The following GOLGA3 variants were observed in gnomAD, a reference collection of about 807,000 sequenced individuals.
GOLGA3 encodes golgin subfamily A member 3.
A neutral mutation model predicts 169.4 loss-of-function variants in GOLGA3; 75 were observed. The ratio of observed to expected loss-of-function variants is 0.44; its 90% CI spans 0.37 to 0.54. The LOEUF is 0.54. Among genes scored for constraint, GOLGA3 ranks in the 20% least tolerant of loss-of-function variants. GOLGA3 has a pLI of 0.00. For synonymous variants in GOLGA3, 824 were observed against 822.4 expected (o/e 1.00, Z -0.03); for missense variants, 1,899 against 1,930.0 (o/e 0.98, Z 0.30).
At chr12:132,821,219 C>G (rs1432679921) in intron 2 of GOLGA3, among the ~76,000 whole-genome samples, 1 of 150,524 alleles carries the variant, frequency 6.6e-6, no homozygotes, top group Middle Eastern at 3.3e-3. Flanking sequence ...CCAGCCTGAC[C>G]AACATGGAGA....
chr12:132,769,901 G>A lies in GOLGA3; in HGVS notation c.*3204C>T, dbSNP rs1013138602. The A allele has an allele frequency of 6.6e-6, 1 of 152,078 alleles. No individual in the cohort carries two copies. Among genetic ancestry groups the A allele is most frequent in the Admixed American group, 6.6e-5 (1 of 15,240 alleles). 9.4% of individuals were successfully genotyped at this position (152,078 alleles called of 1,614,324 possible). On this transcript the variant is annotated 3_prime_UTR_variant, in exon 24 of 24. Transcript: ENST00000450791. ...GGTAGAAGTGCCGGGAGAGTCCCTT[G>A]GAGATAAAAAAACCTCAACAATAAA...
chr12:132,787,331 T>C (rs1299737295), intron 13 of GOLGA3, among the ~76,000 whole-genome samples: 2 of 151,838 alleles, frequency 1.3e-5, no homozygotes, highest in Non-Finnish European at 2.9e-5. Flanking sequence ...ACATGACTGG[T>C]TCATAGGAAA....
At chr12:132,795,213 C>T (rs1326934453) in intron 11 of GOLGA3, among the ~76,000 whole-genome samples, 5 of 151,226 alleles carry the variant, frequency 3.3e-5, no homozygotes, top group East Asian at 1.9e-4. Flanking sequence ...AAAAAGGGGT[C>T]GGGCGCGGTG....
At chr12:132,785,639 G>A (rs188045456) in intron 15 of GOLGA3, among the ~76,000 whole-genome samples, 35 of 152,288 alleles carry the variant, frequency 2.3e-4, no homozygotes, top group South Asian at 4.1e-4. Context: ...AAAACCCCAC[G>A]TTATGATACA....
At chr12:132,786,892 G>A (rs1435700506) in intron 13 of GOLGA3, 105 bp from the exon 14 acceptor site, 6 of 773,242 alleles carry the variant, frequency 7.8e-6, no homozygotes, top group East Asian at 2.5e-5. Flanking sequence ...GCTCAGGCTC[G>A]CCCTGGAGGA....
Position 132,807,967 on chromosome 12 carries a change from C to T in GOLGA3, c.1102G>A (p.Ala368Thr), listed in dbSNP as rs139987438. ...FPSIKDVLQAAAAEHQDQGQE... is the reference protein window; with the variant it reads ...FPSIKDVLQATAAEHQDQGQE... ...CCCTGGTCTTGGTGCTCAGCGGCTG[C>T]GGCCTGGAGGACGTCCTTAATGGAG... Residue 368 changes from alanine (A) to threonine (T), a missense_variant, in exon 5 of 24, where the codon GCA (alanine) becomes ACA (threonine). Transcript: ENST00000450791. 152 of 1,613,158 alleles carry T rather than the reference C, an allele frequency of 9.4e-5. No homozygotes were observed. Among genetic ancestry groups the T allele is most frequent in the Non-Finnish European group, 1.2e-4 (137 of 1,179,800 alleles).
rs575082257 is a variant in GOLGA3, at chr12:132,791,036, G to A, written c.2547+180C>T. On this transcript the variant is annotated intron_variant, in intron 12 of 23. Transcript: ENST00000450791. ...ACTGCACTCCAGCCTGGCTGACAGAGAGAGACTCCGTCTCAAAAAAAAAAA... is the reference window on the plus strand; with the variant it reads ...ACTGCACTCCAGCCTGGCTGACAGAAAGAGACTCCGTCTCAAAAAAAAAAA... Among the ~76,000 whole-genome samples the A allele has an allele frequency of 1.2e-3, 114 of 97,228 alleles. 1 individual carries two copies. In the Middle Eastern group the frequency reaches 0.051, roughly 44 times the overall value. 63.8% of individuals were successfully genotyped at this position (97,228 alleles called of 152,430 possible).
intron 4 of GOLGA3, chr12:132,811,823 T>C: frequency 2.1e-6 from 2 of 965,544 alleles, no homozygotes; most frequent in African/African-American, 3.5e-5. Context: ...GTCATTTTAT[T>C]GATCTTCTTC....
At position 132,795,935 on chromosome 12, in the gene GOLGA3, C is replaced by T. The variant is rs1284314008; in HGVS notation, c.2386G>A (p.Ala796Thr). The change falls in exon 11 of 24, where the codon GCA becomes ACA. Residue 796 changes from alanine to threonine, a missense_variant. Coordinates refer to ENST00000450791, the MANE Select transcript of GOLGA3 (RefSeq NM_001389683.1). Reference sequence around the variant, plus strand: ...TCGGTACCTTCTTCCAAGCGTCTTGCTCCTCTGTCAAGCTCCTCCTTGCCA... The same window carrying T: ...TCGGTACCTTCTTCCAAGCGTCTTGTTCCTCTGTCAAGCTCCTCCTTGCCA... ...KSGKEELDRGARRLEEGTEET... is the reference protein window; with the variant it reads ...KSGKEELDRGTRRLEEGTEET... 6.2e-7 allele frequency: 1 copy of T among 1,614,142 alleles called. No homozygotes were observed. Among genetic ancestry groups the T allele is most frequent in the Admixed American group, 1.7e-5 (1 of 60,030 alleles).
intron 13 of GOLGA3, 111 bp downstream of exon 13, chr12:132,788,900 CACAGGCCCCGACCCAG>C (rs1428687050): frequency 9.3e-6 from 5 of 536,392 alleles, no homozygotes; most frequent in African/African-American, 5.9e-5. Context: ...CCACCCCAGA[CACAGGCCCCGACCCAG>C]ACAGACCCCG....
At position 132,771,398 on chromosome 12, in the gene GOLGA3, C is replaced by G. The variant is rs571441229; in HGVS notation, c.*1707G>C. On this transcript the variant is annotated 3_prime_UTR_variant, in exon 24 of 24. Transcript: ENST00000450791. The stretch of plus-strand genomic sequence containing the variant: ...CGCGGACCCATTCTCTCTCTCCTAA[C>G]TCATATAATAAATATTATTTTAGAT... The G allele has an allele frequency of 9.2e-5, 14 of 152,226 alleles. No homozygotes were observed. Among genetic ancestry groups the G allele is most frequent in the African/African-American group, 3.4e-4 (14 of 41,450 alleles). 9.4% of individuals were successfully genotyped at this position (152,226 alleles called of 1,614,324 possible). A position where few individuals can be genotyped will look rare whatever the true frequency, so the allele number is the denominator to read the frequency against.
chr12:132,781,313 G>C (rs952938117), intron 17 of GOLGA3, among the ~76,000 whole-genome samples: 2 of 152,146 alleles, frequency 1.3e-5, no homozygotes, highest in Non-Finnish European at 2.9e-5. Context: ...TGTAATCCCA[G>C]CACTTTGGGA....
At position 132,777,114 on chromosome 12, in the gene GOLGA3, A is replaced by T. The variant is rs1341749672; in HGVS notation, c.3723-24T>A. On this transcript the variant is annotated intron_variant, in intron 19 of 23. Transcript: ENST00000450791. The surrounding 1 kb of genome is among the most constrained non-coding windows in gnomAD (Gnocchi z 4.7). The stretch of plus-strand genomic sequence containing the variant: ...TCCTAGCGTAAAAAAACAAGAAAGA[A>T]GGGAATCGCCACGCTCCTCCAGTGT... 6.4e-7 allele frequency: 1 copy of T among 1,562,358 alleles called. No homozygotes were observed. The highest frequency in any genetic ancestry group is 2.0e-5 in the Admixed American group (1 of 50,154).
intron 2 of GOLGA3, among the ~76,000 whole-genome samples, chr12:132,819,473 A>G (rs1809469): frequency 0.96 from 146,939 of 152,288 alleles, 71,115 homozygotes; most frequent in East Asian, 1. Flanking sequence ...AGCTTGCAGT[A>G]AGCTGAGGTC....
chr12:132,791,431 C>G (rs942851105), intron 11 of GOLGA3, 138 bp from the exon 12 acceptor site: 2 of 579,152 alleles, frequency 3.5e-6, no homozygotes, highest in Non-Finnish European at 6.1e-6. Flanking sequence ...GGGACACATC[C>G]TCACAGATGT....
At chr12:132,789,336 G>C (rs570831765) in intron 12 of GOLGA3, 46 bp from the exon 13 acceptor site, 73 of 1,499,968 alleles carry the variant, frequency 4.9e-5, no homozygotes, top group African/African-American at 6.9e-5. Flanking sequence ...GGCGGGGCGT[G>C]GGGGGCGTAC....
intron 7 of GOLGA3, among the ~76,000 whole-genome samples, chr12:132,803,847 G>A (rs1297336681): frequency 1.3e-5 from 2 of 152,250 alleles, no homozygotes; most frequent in East Asian, 1.9e-4. Flanking sequence ...CCTGAGAGAT[G>A]AGCCCACCAA....
chr12:132,819,243 T>C (rs559800356), intron 2 of GOLGA3, among the ~76,000 whole-genome samples: 64 of 152,264 alleles, frequency 4.2e-4, no homozygotes, highest in African/African-American at 1.5e-3. Context: ...AAAAATGAGT[T>C]TCTTAGCCGG....
At chr12:132,803,472 G>A (rs1949232602) in intron 7 of GOLGA3, among the ~76,000 whole-genome samples, 1 of 152,096 alleles carries the variant, frequency 6.6e-6, no homozygotes, top group Admixed American at 6.6e-5. Flanking sequence ...AGGACTGGGC[G>A]GCCTCATCAA....
Sources: gnomAD v4.1 joint callset for allele counts (sites outside exome capture counted in the v4.1 genomes callset) on GRCh38, gnomAD v4.1.1 for gene constraint, Gnocchi (gnomAD v3.1) non-coding constraint, MANE v1.5 for transcripts, NCBI Gene and HGNC (gene_info 2026-07-23, HGNC 2026-07-21) for gene names.